GLG1: variants seen among roughly 807,000 people sequenced by gnomAD.
The protein encoded by GLG1 is Golgi apparatus protein 1.
A neutral mutation model predicts 160.5 loss-of-function variants in GLG1; 38 were observed. The observed-to-expected ratio is 0.24, with a 90% confidence interval of 0.18 to 0.31. The LOEUF (loss-of-function observed/expected upper bound fraction) is 0.31. Ranked by LOEUF, GLG1 falls within the 10% of genes least tolerant of loss-of-function variation. GLG1 has a pLI of 1.00. For missense variants in GLG1, 1,373 were observed against 1,505.2 expected (o/e 0.91, Z 1.45); for synonymous variants, 644 against 543.4 (o/e 1.19, Z -2.57).
At chr16:74,509,660 T>G (rs2016737375) in intron 2 of GLG1, among the ~76,000 whole-genome samples, 1 of 151,728 alleles carries the variant, frequency 6.6e-6, no homozygotes, top group Non-Finnish European at 1.5e-5. Context: ...CCATCCTGGC[T>G]AACACAGTGA....
rs544929509 is a variant in GLG1 at position 74,586,110 on chromosome 16, T to C, written c.438+20547A>G. Among the ~76,000 whole-genome samples the C allele has an allele frequency of 4.7e-5, 7 of 150,006 alleles. No individual in the cohort carries two copies. The East Asian group carries it at 7.8e-4, about 17-fold the overall frequency. Reference sequence around the variant, plus strand: ...AACAGGTGGTAAACAGGGTGAATCCTATGGTAAGTGAATTTCATCTCAATG... The same window carrying C: ...AACAGGTGGTAAACAGGGTGAATCCCATGGTAAGTGAATTTCATCTCAATG... On this transcript the variant is annotated intron_variant, in intron 1 of 25. Transcript: ENST00000422840.
Position 74,548,856 on chromosome 16 carries a change from C to T in GLG1, c.439-16703G>A, listed in dbSNP as rs529004018. Among the ~76,000 whole-genome samples, 96 of 152,138 alleles carry T rather than the reference C, an allele frequency of 6.3e-4. 1 individual carries two copies. The highest frequency in any genetic ancestry group is 4.4e-5 in the Non-Finnish European group (3 of 67,994). ...ACTAAAAATAGAAGAATTAGCTGGG[C>T]GTGGTGGCAGGCACCTGTAATCCCA... On this transcript the variant is annotated intron_variant, in intron 1 of 25. Coordinates refer to ENST00000422840, the MANE Select transcript of GLG1 (RefSeq NM_001145667.2).
rs2014192358 is a variant in GLG1 at position 74,449,214 on chromosome 16, C to A, written c.*3953G>T. On this transcript the variant is annotated 3_prime_UTR_variant, in exon 26 of 26. Transcript: ENST00000422840. ...AGCTTCCTTCTTCTTAGATTAAGTT[C>A]TGACTTAGAGTGTGTTCTAAGGAGG... 1 of 152,254 alleles carries A rather than the reference C, an allele frequency of 6.6e-6. No individual in the cohort carries two copies. Among genetic ancestry groups the A allele is most frequent in the Non-Finnish European group, 1.5e-5 (1 of 68,104 alleles). The allele number at this position is 152,254 out of a possible 1,614,324, so 9.4% of individuals were successfully genotyped here.
chr16:74,605,897 AGATTATAAATTATCAATGTCACTT>A (rs1238057331), intron 1 of GLG1, among the ~76,000 whole-genome samples: 5 of 152,196 alleles, frequency 3.3e-5, no homozygotes. Context: ...CATTAAACCT[AGATTATAAATTATCAATGTCACTT>A]GATTATAAAT....
chr16:74,503,154 C>T (rs185372271), intron 4 of GLG1, among the ~76,000 whole-genome samples: 1 of 151,876 alleles, frequency 6.6e-6, no homozygotes, highest in East Asian at 2.0e-4. Context: ...CTGCAATGAG[C>T]GGAAATCCCA....
chr16:74,504,352 A>G (rs918727174), intron 3 of GLG1, among the ~76,000 whole-genome samples: 4 of 152,134 alleles, frequency 2.6e-5, no homozygotes, highest in African/African-American at 9.7e-5. Context: ...GAATGACATG[A>G]TCTCGGCTCA....
At position 74,470,093 on chromosome 16, in the gene GLG1, A is replaced by T. The variant is rs373127217; in HGVS notation, c.2230-20T>A. The T allele has an allele frequency of 2.6e-6, 4 of 1,529,460 alleles. No homozygotes were observed. Among genetic ancestry groups the T allele is most frequent in the Middle Eastern group, 1.7e-4 (1 of 5,924 alleles). The allele number at this position is 1,529,460 out of a possible 1,614,324, so 94.7% of individuals were successfully genotyped here. On this transcript the variant is annotated intron_variant, in intron 15 of 25. Transcript: ENST00000422840. ...CTGCACCTGAAAGGTAAAGAGAAAG[A>T]AAGTCAGAAGTTTTGTGGCAACTTG...
chr16:74,454,675 A>C (rs1407030263), intron 25 of GLG1, among the ~76,000 whole-genome samples: 11 of 136,868 alleles, frequency 8.0e-5, no homozygotes, highest in African/African-American at 2.4e-4. Flanking sequence ...CCAAAAAAAA[A>C]AAAAAAAAAA....
Position 74,605,419 on chromosome 16 carries a change from C to T in GLG1, c.438+1238G>A, listed in dbSNP as rs528721494. 7.2e-5 allele frequency among the ~76,000 whole-genome samples: 11 copies of T among 152,134 alleles called. No homozygotes were observed. The South Asian group carries it at 1.7e-3, about 23-fold the overall frequency. On this transcript the variant is annotated intron_variant, in intron 1 of 25. Transcript: ENST00000422840. Reference sequence around the variant, plus strand: ...TTAGGATCCTAGTTTGATGAAACGACATCTATTATGTGTCCTCAAAGAGCG... The same window carrying T: ...TTAGGATCCTAGTTTGATGAAACGATATCTATTATGTGTCCTCAAAGAGCG...
At chr16:74,532,715 A>G (rs886504054) in intron 1 of GLG1, among the ~76,000 whole-genome samples, 6 of 151,878 alleles carry the variant, frequency 4.0e-5, no homozygotes, top group African/African-American at 1.5e-4. Context: ...ATTTATAGAG[A>G]CGGGGTTTCA....
rs150527195 is a variant in GLG1 at position 74,481,113 on chromosome 16, G to A, written c.1674-719C>T. 2.1e-3 allele frequency among the ~76,000 whole-genome samples: 327 copies of A among 152,278 alleles called. 6 individuals carry two copies. The highest frequency in any genetic ancestry group is 7.6e-3 in the African/African-American group (314 of 41,562). On this transcript the variant is annotated intron_variant, in intron 10 of 25. Coordinates refer to ENST00000422840, the MANE Select transcript of GLG1 (RefSeq NM_001145667.2). ...CTTTTTACTAAATACCTTTTTCTAA[G>A]TAGGAATGAAGTTCAATCCTATGTA...
chr16:74,552,230 C>G (rs1338654328), intron 1 of GLG1: 56 of 539,586 alleles, frequency 1.0e-4, no homozygotes, highest in African/African-American at 1.9e-5. Flanking sequence ...AGCCCCGGAC[C>G]TGGGCCCTGC....
At chr16:74,509,918 C>T (rs1297304697) in intron 2 of GLG1, among the ~76,000 whole-genome samples, 1 of 152,026 alleles carries the variant, frequency 6.6e-6, no homozygotes, top group African/African-American at 2.4e-5. Flanking sequence ...AACTCCTGGC[C>T]TCAAGCAATT....
chr16:74,460,257 G>T (rs894688574), intron 22 of GLG1, among the ~76,000 whole-genome samples: 3 of 152,160 alleles, frequency 2.0e-5, no homozygotes, highest in Non-Finnish European at 4.4e-5. Context: ...CTGATCTCAG[G>T]TGATTGCCCA....
In GLG1 at chr16:74,449,952, G is replaced by A. The variant is rs1032676215; in HGVS notation, c.*3215C>T. 3.3e-5 allele frequency: 5 copies of A among 152,284 alleles called. No individual in the cohort carries two copies. Among genetic ancestry groups the A allele is most frequent in the African/African-American group, 1.2e-4 (5 of 41,454 alleles). The allele number at this position is 152,284 out of a possible 1,614,324, so 9.4% of individuals were successfully genotyped here. A position where few individuals can be genotyped will look rare whatever the true frequency, so the allele number is the denominator to read the frequency against. On this transcript the variant is annotated 3_prime_UTR_variant, in exon 26 of 26. Transcript: ENST00000422840. Reference sequence around the variant, plus strand: ...CCATCTGTGGGAGAAGCTCCATTGTGAACAGTTCGTCTTGTTCTTAATAGT... The same window carrying A: ...CCATCTGTGGGAGAAGCTCCATTGTAAACAGTTCGTCTTGTTCTTAATAGT...
Position 74,477,969 on chromosome 16 carries a change from G to A in GLG1, c.1828-436C>T, listed in dbSNP as rs1183755914. On this transcript the variant is annotated intron_variant, in intron 11 of 25. Coordinates refer to ENST00000422840, the MANE Select transcript of GLG1 (RefSeq NM_001145667.2). ...GCCTGGGCAACAAGAGCGAAACTCC[G>A]TCTCAAAAAAATAAATAAATAAATA... Among the ~76,000 whole-genome samples the A allele has an allele frequency of 1.9e-4, 5 of 26,516 alleles. No individual in the cohort carries two copies. The South Asian group carries it at 3.2e-3, about 17-fold the overall frequency. The allele number at this position is 26,516 out of a possible 152,430, so 17.4% of individuals were successfully genotyped here. A position where few individuals can be genotyped will look rare whatever the true frequency, so the allele number is the denominator to read the frequency against.
intron 1 of GLG1, among the ~76,000 whole-genome samples, chr16:74,571,240 C>G (rs1029000819): frequency 5.3e-5 from 8 of 152,292 alleles, no homozygotes; most frequent in South Asian, 4.1e-4. Context: ...CAACCCACAG[C>G]TGACCTGCCA....
rs2014324878 is a variant in GLG1, at chr16:74,451,954, G to C, written c.*1213C>G. 1 of 880,364 alleles carries C rather than the reference G, an allele frequency of 1.1e-6. No individual in the cohort carries two copies. The highest frequency in any genetic ancestry group is 1.9e-6 in the Non-Finnish European group (1 of 527,386). The allele number at this position is 880,364 out of a possible 1,614,324, so 54.5% of individuals were successfully genotyped here. A position where few individuals can be genotyped will look rare whatever the true frequency, so the allele number is the denominator to read the frequency against. ...CAAATGGACAGAAAGAAAAAAAACA[G>C]AGCAAATCCTCCATCTTTTAATGTG... On this transcript the variant is annotated 3_prime_UTR_variant, in exon 26 of 26. Coordinates refer to ENST00000422840, the MANE Select transcript of GLG1 (RefSeq NM_001145667.2).
chr16:74,573,825 ACT>A (rs1463441512), intron 1 of GLG1, among the ~76,000 whole-genome samples: 1 of 147,780 alleles, frequency 6.8e-6, no homozygotes, highest in Non-Finnish European at 1.5e-5. Flanking sequence ...ACGGGGTCTC[ACT>A]CTGTCACCCA....
Sources: gnomAD v4.1 joint callset for allele counts (sites outside exome capture counted in the v4.1 genomes callset) on GRCh38, gnomAD v4.1.1 for gene constraint, MANE v1.5 for transcripts, NCBI Gene and HGNC (gene_info 2026-07-23, HGNC 2026-07-21) for gene names.